EDIL3: variants seen among roughly 807,000 people sequenced by gnomAD.
EDIL3 encodes EGF like and discoidin domains 3, also known as EGF-like repeat and discoidin I-like domain-containing protein 3.
In EDIL3, 37 loss-of-function variants were observed where a neutral mutation model predicts 67.4. The ratio of observed to expected loss-of-function variants is 0.55; its 90% CI spans 0.42 to 0.72. The LOEUF (loss-of-function observed/expected upper bound fraction) is 0.72. EDIL3 is among the 30% of genes least tolerant of loss of function. The probability of loss-of-function intolerance (pLI) is 0.00; values close to 1 mark genes in which losing one functional copy is unlikely to be tolerated. For synonymous variants in EDIL3, 195 were observed against 196.3 expected (o/e 0.99, Z 0.05); for missense variants, 527 against 586.3 (o/e 0.90, Z 1.04).
chr5:84,029,296 C>A (rs1745875235), intron 9 of EDIL3, among the ~76,000 whole-genome samples: 1 of 152,120 alleles, frequency 6.6e-6, no homozygotes, highest in Admixed American at 6.6e-5. Flanking sequence ...AAGAGGAGTT[C>A]CTCTGCACAA....
At chr5:84,326,240 A>G (rs1394002907) in intron 1 of EDIL3, among the ~76,000 whole-genome samples, 2 of 152,046 alleles carry the variant, frequency 1.3e-5, no homozygotes, top group Non-Finnish European at 2.9e-5. Context: ...CCAAAACTGT[A>G]AGAAATACAT....
chr5:84,368,791 C>T (rs2457500), intron 1 of EDIL3, among the ~76,000 whole-genome samples: 66,674 of 151,776 alleles, frequency 0.44, 14,913 homozygotes, highest in Middle Eastern at 0.53. Flanking sequence ...AAAAACAACT[C>T]GATTCAAAAA....
intron 9 of EDIL3, among the ~76,000 whole-genome samples, chr5:84,039,749 C>A (rs1446652438): frequency 1.3e-5 from 2 of 151,910 alleles, no homozygotes; most frequent in Non-Finnish European, 2.9e-5. Context: ...ATAAGTACAT[C>A]CCATGTAATA....
chr5:83,953,442 C>T (rs1744453994), intron 10 of EDIL3, among the ~76,000 whole-genome samples: 1 of 151,506 alleles, frequency 6.6e-6, no homozygotes, highest in African/African-American at 2.4e-5. Flanking sequence ...GTAAACTTTG[C>T]TATTACTTAT....
At chr5:83,993,820 T>C (rs1327816542) in intron 9 of EDIL3, among the ~76,000 whole-genome samples, 2 of 152,342 alleles carry the variant, frequency 1.3e-5, no homozygotes, top group East Asian at 1.9e-4. Context: ...AATTCATTTG[T>C]TGAGTCTTCC....
At chr5:84,141,997 A>C (rs1202386698) in intron 4 of EDIL3, among the ~76,000 whole-genome samples, 1 of 145,942 alleles carries the variant, frequency 6.9e-6, no homozygotes, top group Non-Finnish European at 1.5e-5. Context: ...CTATCTATCT[A>C]TCATATTGAG....
intron 4 of EDIL3, among the ~76,000 whole-genome samples, chr5:84,165,275 C>G (rs1199231806): frequency 6.6e-6 from 1 of 152,062 alleles, no homozygotes; most frequent in African/African-American, 2.4e-5. Flanking sequence ...TCCCATATTC[C>G]TTTCTTTTAC....
intron 6 of EDIL3, among the ~76,000 whole-genome samples, chr5:84,072,201 G>A (rs1165115587): frequency 6.6e-6 from 1 of 151,948 alleles, no homozygotes; most frequent in Non-Finnish European, 1.5e-5. Flanking sequence ...GACAAATGGG[G>A]ATTAAACTTT....
At chr5:84,270,535 A>G (rs1745449933) in intron 1 of EDIL3, among the ~76,000 whole-genome samples, 1 of 152,220 alleles carries the variant, frequency 6.6e-6, no homozygotes, top group South Asian at 2.1e-4. Flanking sequence ...GCATAAATTA[A>G]TTCTAGAACA....
At chr5:83,998,817 T>A (rs1458934485) in intron 9 of EDIL3, among the ~76,000 whole-genome samples, 1 of 152,174 alleles carries the variant, frequency 6.6e-6, no homozygotes, top group Non-Finnish European at 1.5e-5. Context: ...GCTACAGGCC[T>A]TCGGCAAGAC....
chr5:84,121,624 T>C lies in EDIL3; in HGVS notation c.470-14794A>G, dbSNP rs191186424. ...CCCCATTGGTCAGAAAAAAAAAAGG[T>C]CATCCTCTTGGCTGCTTGAAATTTA... On this transcript the variant is annotated intron_variant, in intron 5 of 10. Transcript: ENST00000296591. Among the ~76,000 whole-genome samples, 7 of 151,708 alleles carry C rather than the reference T, an allele frequency of 4.6e-5. No homozygotes were observed. In the East Asian group the frequency reaches 1.4e-3, roughly 29 times the overall value.
intron 10 of EDIL3, among the ~76,000 whole-genome samples, chr5:83,951,704 G>A (rs1744425214): frequency 6.6e-6 from 1 of 151,686 alleles, no homozygotes; most frequent in Non-Finnish European, 1.5e-5. Flanking sequence ...AAAGAGAACT[G>A]TGTGATAGCT....
chr5:84,157,622 C>T (rs893542640), intron 4 of EDIL3, among the ~76,000 whole-genome samples: 1 of 151,978 alleles, frequency 6.6e-6, no homozygotes, highest in Non-Finnish European at 1.5e-5. Context: ...AAATCAATTT[C>T]TTGGACCATT....
In EDIL3 at chr5:84,201,894, G is replaced by A. The variant is rs554027924; in HGVS notation, c.227-21373C>T. Among the ~76,000 whole-genome samples, 491 of 152,108 alleles carry A rather than the reference G, an allele frequency of 3.2e-3. 4 individuals are homozygous for A. Among genetic ancestry groups the A allele is most frequent in the African/African-American group, 0.011 (456 of 41,498 alleles). ...GCACTTCATGCTATGATTAAGTAACGTGGTATGTAGACAATGACAGGCATT... is the reference window on the plus strand; with the variant it reads ...GCACTTCATGCTATGATTAAGTAACATGGTATGTAGACAATGACAGGCATT... On this transcript the variant is annotated intron_variant, in intron 3 of 10. Transcript: ENST00000296591.
Position 84,330,002 on chromosome 5 carries a change from C to T in EDIL3, c.67+54306G>A, listed in dbSNP as rs1746838677. Among the ~76,000 whole-genome samples the T allele has an allele frequency of 2.0e-5, 3 of 152,100 alleles. 1 individual carries two copies. In the South Asian group the frequency reaches 6.2e-4, roughly 32 times the overall value. Reference sequence around the variant, plus strand: ...ACCAAATTACCATCACATTGATTTCCAAATGCCTAATTTAAATATCTAGAT... The same window carrying T: ...ACCAAATTACCATCACATTGATTTCTAAATGCCTAATTTAAATATCTAGAT... On this transcript the variant is annotated intron_variant, in intron 1 of 10. Coordinates refer to ENST00000296591, the MANE Select transcript of EDIL3 (RefSeq NM_005711.5).
intron 10 of EDIL3, among the ~76,000 whole-genome samples, chr5:83,949,747 T>G (rs1744379531): frequency 6.6e-6 from 1 of 151,750 alleles, no homozygotes; most frequent in African/African-American, 2.4e-5. Flanking sequence ...TACAAAACCG[T>G]GTGTAATACG....
At chr5:84,199,034 A>G (rs939607024) in intron 3 of EDIL3, among the ~76,000 whole-genome samples, 6 of 152,050 alleles carry the variant, frequency 3.9e-5, no homozygotes, top group Non-Finnish European at 8.8e-5. Flanking sequence ...TCTAGTGGGT[A>G]GGTAATGAAG....
At chr5:84,182,124 A>G (rs1014260567) in intron 3 of EDIL3, among the ~76,000 whole-genome samples, 1 of 152,068 alleles carries the variant, frequency 6.6e-6, no homozygotes, top group Admixed American at 6.6e-5. Context: ...TGCATGGGTC[A>G]AAGCCACTAA....
intron 9 of EDIL3, among the ~76,000 whole-genome samples, chr5:84,058,849 T>G (rs1223231493): frequency 6.6e-6 from 1 of 152,154 alleles, no homozygotes; most frequent in Non-Finnish European, 1.5e-5. Context: ...ATTTGTTAAA[T>G]AAATAATTTA....
Sources: gnomAD v4.1 joint callset for allele counts (sites outside exome capture counted in the v4.1 genomes callset) on GRCh38, gnomAD v4.1.1 for gene constraint, MANE v1.5 for transcripts, NCBI Gene and HGNC (gene_info 2026-07-23, HGNC 2026-07-21) for gene names.